Variants in WWOX observed in about 807,000 individuals in gnomAD.
WWOX encodes the protein WW domain-containing oxidoreductase.
WWOX carries 69 observed loss-of-function variants against 46.2 expected under a neutral mutation model. The ratio of observed to expected loss-of-function variants is 1.49; its 90% confidence interval spans 1.23 to 1.82. The LOEUF (loss-of-function observed/expected upper bound fraction) is 1.82, where lower values mean the gene tolerates loss of function less well. Ranked by LOEUF, WWOX falls within the 40% of genes most tolerant of loss-of-function variation. The pLI is 0.00. For missense variants in WWOX, 919 were observed against 542.6 expected (o/e 1.69, Z -6.89); for synonymous variants, 359 against 202.6 (o/e 1.77, Z -6.56).
chr16:78,474,790 G>A (rs570891494), intron 8 of WWOX, among the ~76,000 whole-genome samples: 1 of 152,034 alleles, frequency 6.6e-6, no homozygotes, highest in Non-Finnish European at 1.5e-5. Flanking sequence ...ATCTCCATGC[G>A]TTTGTATATT....
chr16:78,929,990 C>T (rs1199617831), intron 8 of WWOX, among the ~76,000 whole-genome samples: 1 of 152,122 alleles, frequency 6.6e-6, no homozygotes. Context: ...ACCGTGTGAC[C>T]ATGTGACCCA....
intron 1 of WWOX, among the ~76,000 whole-genome samples, chr16:78,102,488 G>A (rs2031862040): frequency 6.6e-6 from 1 of 152,216 alleles, no homozygotes; most frequent in African/African-American, 2.4e-5. Flanking sequence ...GAATTAAAGG[G>A]ACATTTCCAG....
intron 8 of WWOX, among the ~76,000 whole-genome samples, chr16:78,778,564 G>C (rs964046090): frequency 6.6e-6 from 1 of 152,146 alleles, no homozygotes; most frequent in Non-Finnish European, 1.5e-5. Flanking sequence ...TCAGAAGAGC[G>C]ACGCAATAGA....
chr16:78,581,181 C>T lies in WWOX; in HGVS notation c.1056+148429C>T, dbSNP rs191222919. Among the ~76,000 whole-genome samples the T allele has an allele frequency of 9.2e-5, 14 of 152,088 alleles. No homozygotes were observed. In the East Asian group the frequency reaches 9.7e-4, roughly 10 times the overall value. ...AAGTGTTTTAAAAATATTTACAATT[C>T]TGATCTTATAAAGGAAAAAGTTACA... On this transcript the variant is annotated intron_variant, in intron 8 of 8. Coordinates refer to ENST00000566780, the MANE Select transcript of WWOX (RefSeq NM_016373.4).
chr16:78,766,037 C>T (rs2049917949), intron 8 of WWOX, among the ~76,000 whole-genome samples: 1 of 152,162 alleles, frequency 6.6e-6, no homozygotes. Flanking sequence ...GTTTACAGAG[C>T]CCAGGCACAC....
intron 8 of WWOX, among the ~76,000 whole-genome samples, chr16:78,810,198 T>G (rs1028754285): frequency 9.2e-5 from 14 of 152,178 alleles, no homozygotes; most frequent in African/African-American, 3.4e-4. Flanking sequence ...CCTATACATT[T>G]TCAAAACTAC....
At chr16:79,025,036 A>G (rs1466788538) in intron 8 of WWOX, among the ~76,000 whole-genome samples, 1 of 152,098 alleles carries the variant, frequency 6.6e-6, no homozygotes, top group Non-Finnish European at 1.5e-5. Context: ...GTTGGGGAGG[A>G]CCTTGTGTTC....
intron 8 of WWOX, among the ~76,000 whole-genome samples, chr16:78,522,679 C>T (rs751010680): frequency 2.6e-5 from 4 of 152,216 alleles, no homozygotes; most frequent in Non-Finnish European, 5.9e-5. Flanking sequence ...ATGAGATGCT[C>T]TTGCTAGCTT....
intron 5 of WWOX, among the ~76,000 whole-genome samples, chr16:78,311,997 C>T (rs62035725): frequency 0.011 from 1,660 of 152,274 alleles, 17 homozygotes; most frequent in South Asian, 0.034. Context: ...GTTACAGAGA[C>T]TGCCCATGTT....
chr16:79,087,671 G>A (rs67789620), intron 8 of WWOX, among the ~76,000 whole-genome samples: 19 of 152,270 alleles, frequency 1.2e-4, no homozygotes, highest in African/African-American at 2.9e-4. Flanking sequence ...ACCCTAGATC[G>A]TTGCATTTGT....
At chr16:78,796,675 T>A (rs1302355717) in intron 8 of WWOX, among the ~76,000 whole-genome samples, 2 of 152,222 alleles carry the variant, frequency 1.3e-5, no homozygotes, top group Non-Finnish European at 2.9e-5. Flanking sequence ...TATATCTGTT[T>A]ATCAGCATCA....
intron 5 of WWOX, among the ~76,000 whole-genome samples, chr16:78,248,854 GC>G (rs2037899322): frequency 6.8e-6 from 1 of 147,034 alleles, no homozygotes; most frequent in African/African-American, 2.5e-5. Context: ...AAGTACTTAT[GC>G]CCCCCGGCCT....
intron 8 of WWOX, among the ~76,000 whole-genome samples, chr16:78,545,783 C>T (rs1028572652): frequency 4.6e-5 from 7 of 152,108 alleles, no homozygotes; most frequent in Non-Finnish European, 8.8e-5. Flanking sequence ...TCTCTGAGGC[C>T]TCTCTCCTTG....
intron 8 of WWOX, among the ~76,000 whole-genome samples, chr16:78,791,590 C>T (rs1173775025): frequency 6.6e-6 from 1 of 152,008 alleles, no homozygotes; most frequent in Non-Finnish European, 1.5e-5. Context: ...CTGAGGCAAA[C>T]AGAAGGGCTG....
At chr16:78,595,262 C>T (rs1261360462) in intron 8 of WWOX, among the ~76,000 whole-genome samples, 1 of 151,436 alleles carries the variant, frequency 6.6e-6, no homozygotes, top group African/African-American at 2.4e-5. Context: ...AGGGAAGTGG[C>T]AATGGCAGGA....
rs951344570 is a variant in WWOX at position 78,252,159 on chromosome 16, C to T, written c.516+87870C>T. On this transcript the variant is annotated intron_variant, in intron 5 of 8. Coordinates refer to ENST00000566780, the MANE Select transcript of WWOX (RefSeq NM_016373.4). ...GGAAAGAGGGGCATCTTGCACTTGT[C>T]TCCCACATTGAAAGGGTTTATTGCA... Among the ~76,000 whole-genome samples, 7 of 152,244 alleles carry T rather than the reference C, an allele frequency of 4.6e-5. 1 individual carries two copies. Among genetic ancestry groups the T allele is most frequent in the Admixed American group, 1.3e-4 (2 of 15,294 alleles).
At chr16:78,275,201 T>A (rs372399354) in intron 5 of WWOX, among the ~76,000 whole-genome samples, 8 of 152,306 alleles carry the variant, frequency 5.3e-5, no homozygotes, top group African/African-American at 1.9e-4. Flanking sequence ...GGCATGTGTT[T>A]GCTGCCCCCA....
intron 8 of WWOX, among the ~76,000 whole-genome samples, chr16:78,894,976 C>G (rs9935765): frequency 0.13 from 19,983 of 152,126 alleles, 2,513 homozygotes; most frequent in African/African-American, 0.32. Context: ...ACCTCCACAA[C>G]TAGGTGTACA....
chr16:79,143,123 T>C (rs936706634), intron 8 of WWOX, among the ~76,000 whole-genome samples: 5 of 152,214 alleles, frequency 3.3e-5, no homozygotes, highest in African/African-American at 1.2e-4. Flanking sequence ...TTTAAGGGAC[T>C]GTTTGTCATG....
Sources: gnomAD v4.1 joint callset for allele counts (sites outside exome capture counted in the v4.1 genomes callset) on GRCh38, gnomAD v4.1.1 for gene constraint, MANE v1.5 for transcripts, NCBI Gene and HGNC (gene_info 2026-07-23, HGNC 2026-07-21) for gene names.